The following GPC6 variants were observed in gnomAD, a reference collection of about 807,000 sequenced individuals.
The protein encoded by GPC6 is glypican 6.
A neutral mutation model predicts 55.2 loss-of-function variants in GPC6; 14 were observed. That is an observed-to-expected ratio of 0.25 (90% confidence interval 0.17 to 0.40). The LOEUF (loss-of-function observed/expected upper bound fraction) is 0.40, where lower values mean the gene tolerates loss of function less well. GPC6 is among the 10% of genes least tolerant of loss of function. GPC6 has a pLI of 1.00. For synonymous variants in GPC6, 278 were observed against 259.6 expected (o/e 1.07, Z -0.68); for missense variants, 641 against 708.5 (o/e 0.90, Z 1.08).
Position 94,405,746 on chromosome 13 carries a change from G to A in GPC6, c.*2529G>A, listed in dbSNP as rs1272823164. On this transcript the variant is annotated 3_prime_UTR_variant, in exon 9 of 9. Transcript: ENST00000377047. ...GATGAGATATAGTGATGCATAATGA[G>A]CCAGGCAGAGAGCTGAAATGATATC... 1.3e-5 allele frequency: 2 copies of A among 152,118 alleles called. No individual in the cohort carries two copies. The highest frequency in any genetic ancestry group is 2.9e-5 in the Non-Finnish European group (2 of 67,990). 9.4% of individuals were successfully genotyped at this position (152,118 alleles called of 1,614,324 possible).
chr13:93,847,208 T>G (rs1888211864), intron 3 of GPC6, among the ~76,000 whole-genome samples: 1 of 152,120 alleles, frequency 6.6e-6, no homozygotes, highest in African/African-American at 2.4e-5. Context: ...TCATCATGGA[T>G]GAACTACTCT....
intron 3 of GPC6, among the ~76,000 whole-genome samples, chr13:93,959,588 G>T (rs572896200): frequency 1.9e-4 from 29 of 152,252 alleles, no homozygotes; most frequent in African/African-American, 6.3e-4. Context: ...CTAATATTCA[G>T]AAATAAATGC....
In GPC6 at chr13:93,936,391, G is replaced by A. The variant is rs191902015; in HGVS notation, c.712-91338G>A. The stretch of plus-strand genomic sequence containing the variant: ...CTTGGGGGAAGGGGAATGTGTGTGC[G>A]GGCATGTGTGTGTGTGTGTATAAAC... On this transcript the variant is annotated intron_variant, in intron 3 of 8. Coordinates refer to ENST00000377047, the MANE Select transcript of GPC6 (RefSeq NM_005708.5). Among the ~76,000 whole-genome samples, 955 of 151,342 alleles carry A rather than the reference G, an allele frequency of 6.3e-3. 7 individuals are homozygous for A. The highest frequency in any genetic ancestry group is 0.022 in the African/African-American group (900 of 40,994).
chr13:93,280,570 T>C (rs1225246580), intron 1 of GPC6, among the ~76,000 whole-genome samples: 1 of 152,270 alleles, frequency 6.6e-6, no homozygotes. Flanking sequence ...AAATATCAGT[T>C]GAAGCATGGT....
intron 2 of GPC6, among the ~76,000 whole-genome samples, chr13:93,806,682 T>G (rs1036320394): frequency 1.3e-5 from 2 of 152,110 alleles, no homozygotes; most frequent in Non-Finnish European, 2.9e-5. Context: ...TAATCTAGGT[T>G]TTGCTTAAAT....
chr13:94,179,782 C>T (rs536815861), intron 4 of GPC6, among the ~76,000 whole-genome samples: 2 of 152,234 alleles, frequency 1.3e-5, no homozygotes, highest in East Asian at 3.9e-4. Context: ...CTATGAAATT[C>T]TCTTTTTTTC....
At chr13:94,208,125 G>A (rs1173888369) in intron 4 of GPC6, among the ~76,000 whole-genome samples, 1 of 152,124 alleles carries the variant, frequency 6.6e-6, no homozygotes, top group Non-Finnish European at 1.5e-5. Flanking sequence ...TATTCAATAA[G>A]CATTTATTGA....
At position 93,929,189 on chromosome 13, in the gene GPC6, G is replaced by A. The variant is rs535142048; in HGVS notation, c.712-98540G>A. Among the ~76,000 whole-genome samples, 23 of 152,298 alleles carry A rather than the reference G, an allele frequency of 1.5e-4. No individual in the cohort carries two copies. In the South Asian group the frequency reaches 4.8e-3, roughly 32 times the overall value. On this transcript the variant is annotated intron_variant, in intron 3 of 8. Transcript: ENST00000377047. ...TGCCTTTCAGGTCAAAAGCCAGAAA[G>A]TCAGCCTCTCCAGAAGTCTGATTAG...
chr13:93,434,620 A>T lies in GPC6; in HGVS notation c.161-110643A>T, dbSNP rs145300157. ...CTTAATATCTGTTCTGTGTGGTGGT[A>T]AAACTTACTGGCATATAATCTGTCT... On this transcript the variant is annotated intron_variant, in intron 1 of 8. Transcript: ENST00000377047. Among the ~76,000 whole-genome samples, 531 of 152,324 alleles carry T rather than the reference A, an allele frequency of 3.5e-3. 3 individuals carry two copies. The highest frequency in any genetic ancestry group is 0.012 in the African/African-American group (517 of 41,568).
intron 3 of GPC6, among the ~76,000 whole-genome samples, chr13:93,954,388 C>A (rs928397734): frequency 1.3e-5 from 2 of 152,068 alleles, no homozygotes; most frequent in African/African-American, 4.8e-5. Context: ...AATCTTAGCT[C>A]CATGCAACCT....
At chr13:93,635,188 C>A (rs1879641848) in intron 2 of GPC6, among the ~76,000 whole-genome samples, 1 of 151,658 alleles carries the variant, frequency 6.6e-6, no homozygotes, top group African/African-American at 2.4e-5. Context: ...TTGATCCAAA[C>A]TTTCATACAA....
chr13:93,693,423 A>G (rs1400279873), intron 2 of GPC6, among the ~76,000 whole-genome samples: 6 of 139,610 alleles, frequency 4.3e-5, no homozygotes, highest in Non-Finnish European at 9.2e-5. Flanking sequence ...TCATTCATAT[A>G]TATATATGGA....
intron 1 of GPC6, among the ~76,000 whole-genome samples, chr13:93,393,107 GATATATATATAT>G (rs374414019): frequency 8.7e-6 from 1 of 114,764 alleles, no homozygotes; most frequent in East Asian, 3.5e-4. Context: ...ATGTATATTT[GATATATATATAT>G]ATATATATAG....
chr13:94,347,313 CA>C (rs1878341614), intron 6 of GPC6, among the ~76,000 whole-genome samples: 1 of 152,082 alleles, frequency 6.6e-6, no homozygotes, highest in Non-Finnish European at 1.5e-5. Flanking sequence ...AATTAAGTGA[CA>C]AAGTCCAAAA....
intron 2 of GPC6, among the ~76,000 whole-genome samples, chr13:93,643,249 T>G (rs1325369236): frequency 1.3e-5 from 2 of 152,136 alleles, no homozygotes; most frequent in Non-Finnish European, 2.9e-5. Context: ...TATTCATGAT[T>G]TAACAGACTT....
intron 1 of GPC6, among the ~76,000 whole-genome samples, chr13:93,292,709 T>G (rs1878355237): frequency 6.6e-6 from 1 of 151,924 alleles, no homozygotes; most frequent in Admixed American, 6.6e-5. Flanking sequence ...ACAATTACTT[T>G]AAATGTATAA....
chr13:94,231,282 C>T (rs866861946), intron 4 of GPC6, among the ~76,000 whole-genome samples: 8 of 152,100 alleles, frequency 5.3e-5, no homozygotes, highest in Admixed American at 4.6e-4. Context: ...GACAGCTCCC[C>T]GCTGTGAAGC....
intron 2 of GPC6, among the ~76,000 whole-genome samples, chr13:93,586,688 G>A (rs1464007611): frequency 1.3e-5 from 2 of 152,098 alleles, no homozygotes; most frequent in Non-Finnish European, 2.9e-5. Flanking sequence ...TACAATACCT[G>A]TCAGTTTTAT....
At chr13:94,300,701 AT>A (rs1430439399) in intron 5 of GPC6, among the ~76,000 whole-genome samples, 1 of 152,190 alleles carries the variant, frequency 6.6e-6, no homozygotes, top group Non-Finnish European at 1.5e-5. Context: ...GAATTATCTA[AT>A]TATCACTTTC....
Sources: gnomAD v4.1 joint callset for allele counts (sites outside exome capture counted in the v4.1 genomes callset) on GRCh38, gnomAD v4.1.1 for gene constraint, MANE v1.5 for transcripts, NCBI Gene and HGNC (gene_info 2026-07-23, HGNC 2026-07-21) for gene names.